The following METTL22 variants were observed in gnomAD, a reference collection of about 807,000 sequenced individuals.
The protein encoded by METTL22 is methyltransferase-like protein 22.
A neutral mutation model predicts 48.4 loss-of-function variants in METTL22; 51 were observed. The ratio of observed to expected loss-of-function variants is 1.05; its 90% confidence interval spans 0.84 to 1.33. METTL22 has a LOEUF of 1.33. Among genes scored for constraint, METTL22 ranks in the 40% most tolerant of loss-of-function variants. The probability of loss-of-function intolerance (pLI) is 0.00; values close to 1 mark genes in which losing one functional copy is unlikely to be tolerated. For synonymous variants in METTL22, 255 were observed against 214.1 expected (o/e 1.19, Z -1.67); for missense variants, 678 against 526.9 (o/e 1.29, Z -2.81).
rs938568460 is a variant in METTL22 at position 8,640,499 on chromosome 16, G to A, written c.773-632G>A. ...ATGCTGGAAGAATGGACGGATGGAT[G>A]GAGGGAAGGGACAGAAAATGGATGA... On this transcript the variant is annotated intron_variant, in intron 6 of 10. Coordinates refer to ENST00000381920, the MANE Select transcript of METTL22 (RefSeq NM_024109.4). 4.4e-5 allele frequency among the ~76,000 whole-genome samples: 6 copies of A among 136,522 alleles called. No homozygotes were observed. In the East Asian group the frequency reaches 1.3e-3, roughly 30 times the overall value. The allele number at this position is 136,522 out of a possible 152,430, so 89.6% of individuals were successfully genotyped here.
At chr16:8,633,678 A>G (rs2056334692) in intron 3 of METTL22, among the ~76,000 whole-genome samples, 2 of 152,350 alleles carry the variant, frequency 1.3e-5, no homozygotes, top group South Asian at 4.1e-4. Flanking sequence ...CCTCTCTGTG[A>G]CCACAGCCTG....
At chr16:8,642,235 C>T (rs140940040) in intron 8 of METTL22, 28 bp downstream of exon 8, 56 of 1,579,576 alleles carry the variant, frequency 3.5e-5, no homozygotes, top group African/African-American at 3.4e-4. Context: ...TCGCCGTACA[C>T]GTCCTTTGTT....
Position 8,646,454 on chromosome 16 carries a change from G to A in METTL22, c.*311G>A. ...CACCCACGTCAGTCATTTCAGCTGT[G>A]TGCTTTACTTGCGGTTGCGGCCCTG... On this transcript the variant is annotated 3_prime_UTR_variant, in exon 11 of 11. Coordinates refer to ENST00000381920, the MANE Select transcript of METTL22 (RefSeq NM_024109.4). 1 of 621,534 alleles carries A rather than the reference G, an allele frequency of 1.6e-6. No individual in the cohort carries two copies. Among genetic ancestry groups the A allele is most frequent in the Non-Finnish European group, 3.0e-6 (1 of 333,648 alleles). 38.5% of individuals were successfully genotyped at this position (621,534 alleles called of 1,614,324 possible).
downstream of METTL22, among the ~76,000 whole-genome samples, chr16:8,651,240 A>C (rs924648794): frequency 4.1e-4 from 62 of 151,646 alleles, no homozygotes; most frequent in African/African-American, 1.4e-3. Context: ...ACAAAAAATT[A>C]GCCAGGCGTG....
Position 8,625,652 on chromosome 16 carries a change from G to A in METTL22, c.-14G>A, listed in dbSNP as rs1206604064. ...GAGGGACTCCTGTCCTAGGACTAAG[G>A]TGGAGCCTGGGCCATGGTACAGCTG... On this transcript the variant is annotated 5_prime_UTR_variant, in exon 2 of 11. In the 5' UTR this introduces an upstream ATG that the reference lacks. Coordinates refer to ENST00000381920, the MANE Select transcript of METTL22 (RefSeq NM_024109.4). 6.2e-7 allele frequency: 1 copy of A among 1,613,962 alleles called. No homozygotes were observed. The highest frequency in any genetic ancestry group is 1.7e-5 in the Admixed American group (1 of 60,012).
intron 1 of METTL22, among the ~76,000 whole-genome samples, chr16:8,625,237 C>G (rs966202437): frequency 1.3e-5 from 2 of 151,780 alleles, no homozygotes; most frequent in Admixed American, 6.6e-5. Flanking sequence ...AGAGGGCAGG[C>G]ACGTGTGGCA....
intron 8 of METTL22, 76 bp from the exon 9 acceptor site, chr16:8,642,387 G>A: frequency 7.2e-7 from 1 of 1,395,916 alleles, no homozygotes; most frequent in Non-Finnish European, 1.0e-6. Context: ...TTCTCTCTGT[G>A]CGGATTGCTC....
downstream of METTL22, among the ~76,000 whole-genome samples, chr16:8,651,341 C>T (rs1004758635): frequency 1.2e-4 from 16 of 131,432 alleles, no homozygotes; most frequent in South Asian, 2.6e-3. Context: ...GAGCTGAGAT[C>T]GAGCCACTGC....
chr16:8,630,981 G>A (rs2056240348), intron 3 of METTL22, among the ~76,000 whole-genome samples: 1 of 152,200 alleles, frequency 6.6e-6, no homozygotes, highest in South Asian at 2.1e-4. Flanking sequence ...AGAGACAAAT[G>A]TCTTACCCAC....
chr16:8,640,349 T>A (rs2056558751), intron 6 of METTL22, among the ~76,000 whole-genome samples: 1 of 152,044 alleles, frequency 6.6e-6, no homozygotes, highest in African/African-American at 2.4e-5. Flanking sequence ...CCACACAGTC[T>A]TGCCGTTGTT....
At chr16:8,651,096 A>G (rs1268048229), downstream of METTL22, among the ~76,000 whole-genome samples, 2 of 152,030 alleles carry the variant, frequency 1.3e-5, no homozygotes, top group Admixed American at 6.5e-5. Context: ...TGTAAAGATC[A>G]TACTAAATGG....
chr16:8,659,941 G>C, the METTL22 span, among the ~76,000 whole-genome samples: 2 of 152,044 alleles, frequency 1.3e-5, no homozygotes, highest in African/African-American at 4.8e-5. Context: ...GCCCAGGCTG[G>C]TCTCAAACTC....
intron 1 of METTL22, among the ~76,000 whole-genome samples, chr16:8,622,243 C>T (rs2160179): frequency 0.013 from 1,937 of 152,254 alleles, 32 homozygotes; most frequent in African/African-American, 0.044. Flanking sequence ...TGGGATCGCG[C>T]CAAATTATTG....
At chr16:8,656,613 C>T in the METTL22 span, among the ~76,000 whole-genome samples, 6 of 152,246 alleles carry the variant, frequency 3.9e-5, no homozygotes, top group Non-Finnish European at 7.3e-5. Flanking sequence ...AGGAGAGCAG[C>T]CAGTCCCTGT....
intron 2 of METTL22, 125 bp downstream of exon 2, chr16:8,625,923 A>G: frequency 8.4e-6 from 10 of 1,197,570 alleles, no homozygotes; most frequent in African/African-American, 1.5e-5. Context: ...CCACTTTTTA[A>G]GTGCCCTTTT....
rs753463640 is a variant in METTL22, at chr16:8,628,907, C to CT, written c.312dup (p.Asp105Ter). 9.3e-6 allele frequency: 15 copies of CT among 1,613,936 alleles called. No individual in the cohort carries two copies. In the Admixed American group the frequency reaches 2.3e-4, roughly 25 times the overall value. The stretch of plus-strand genomic sequence containing the variant: ...GAGGGTTTCTCCCTCCAGGCCGGGA[C>CT]TGACACCACTGGCCAGGAAGTGGCT... On this transcript the variant is annotated frameshift_variant, in exon 3 of 11. Transcript: ENST00000381920. LOFTEE classifies it high-confidence loss of function.
chr16:8,633,040 G>A (rs2056313811), intron 3 of METTL22, among the ~76,000 whole-genome samples: 1 of 152,046 alleles, frequency 6.6e-6, no homozygotes, highest in Admixed American at 6.6e-5. Flanking sequence ...CCAATGGAGG[G>A]AGAGGAGAGG....
rs189357806 is a variant in METTL22 at position 8,641,918 on chromosome 16, A to G, written c.827-209A>G. ...TGCTCACTGGCTAGAGCAGACACTC[A>G]GCAGAAAAGGCACCTCTTCCACCAT... On this transcript the variant is annotated intron_variant, in intron 7 of 10. Coordinates refer to ENST00000381920, the MANE Select transcript of METTL22 (RefSeq NM_024109.4). The G allele has an allele frequency of 9.9e-3, 6,019 of 610,404 alleles. 81 individuals carry two copies. The highest frequency in any genetic ancestry group is 0.038 in the South Asian group (1,916 of 50,440). The allele number at this position is 610,404 out of a possible 1,614,324, so 37.8% of individuals were successfully genotyped here. A position where few individuals can be genotyped will look rare whatever the true frequency, so the allele number is the denominator to read the frequency against.
chr16:8,658,122 T>C, the METTL22 span, among the ~76,000 whole-genome samples: 1 of 152,262 alleles, frequency 6.6e-6, no homozygotes, highest in African/African-American at 2.4e-5. Context: ...CTGCCCCTGA[T>C]GTCTTTATAA....
Sources: allele counts gnomAD v4.1 joint callset (sites outside exome capture counted in the v4.1 genomes callset), GRCh38; gene constraint gnomAD v4.1.1; transcripts MANE v1.5; gene names NCBI Gene and HGNC (gene_info 2026-07-23, HGNC 2026-07-21).